The following PHACTR3 variants were observed in gnomAD, a reference collection of about 807,000 sequenced individuals.
PHACTR3 encodes the protein protein phosphatase 1, regulatory subunit 123.
A neutral mutation model predicts 66.8 loss-of-function variants in PHACTR3; 16 were observed. That is an observed-to-expected ratio of 0.24 (90% CI 0.16 to 0.36). PHACTR3 has a LOEUF of 0.36. PHACTR3 is among the 10% of genes least tolerant of loss of function. The pLI is 1.00. For missense variants in PHACTR3, 647 were observed against 719.9 expected, an observed-to-expected ratio of 0.90 and a Z score of 1.16; for synonymous variants, 323 against 292.1, an observed-to-expected ratio of 1.11 and a Z score of -1.08.
At position 59,614,474 on chromosome 20, in the gene PHACTR3, G is replaced by A. The variant is rs544487311; in HGVS notation, c.118+9342G>A. Among the ~76,000 whole-genome samples the A allele has an allele frequency of 6.6e-5, 10 of 152,298 alleles. No homozygotes were observed. The South Asian group carries it at 1.9e-3, about 28-fold the overall frequency. ...CCTGTTTGTTAAAGCAAGTCGGTTG[G>A]ATGGGTAGCTTGGCAACGCACCTTA... On this transcript the variant is annotated intron_variant, in intron 1 of 12. Coordinates refer to ENST00000371015, the MANE Select transcript of PHACTR3 (RefSeq NM_080672.5).
chr20:59,741,534 G>A (rs571973394), intron 1 of PHACTR3, among the ~76,000 whole-genome samples: 3 of 152,300 alleles, frequency 2.0e-5, no homozygotes, highest in East Asian at 1.9e-4. Flanking sequence ...CCTGGGTGAC[G>A]GCCTGAACTC....
At chr20:59,748,314 G>T (rs1440602862) in intron 3 of PHACTR3, among the ~76,000 whole-genome samples, 2 of 152,056 alleles carry the variant, frequency 1.3e-5, no homozygotes, top group Non-Finnish European at 2.9e-5. Context: ...TGTCTCATTG[G>T]TCTTCCCAGC....
intron 3 of PHACTR3, among the ~76,000 whole-genome samples, chr20:59,752,527 T>G (rs2039631229): frequency 1.2e-5 from 1 of 82,214 alleles, no homozygotes; most frequent in Non-Finnish European, 2.8e-5. Context: ...AACATGATTA[T>G]GAGCTGGAGC....
chr20:59,608,807 A>T (rs142546406), intron 1 of PHACTR3, among the ~76,000 whole-genome samples: 33 of 151,502 alleles, frequency 2.2e-4, no homozygotes, highest in African/African-American at 8.0e-4. Context: ...ACCCCAGGGA[A>T]CTCTGATCTC....
intron 5 of PHACTR3, among the ~76,000 whole-genome samples, chr20:59,770,611 C>T (rs1453596507): frequency 6.6e-6 from 1 of 152,308 alleles, no homozygotes; most frequent in African/African-American, 2.4e-5. Flanking sequence ...CTGATGAGGG[C>T]TTGCTTCCTG....
chr20:59,835,052 T>C (rs2042486055), intron 8 of PHACTR3, among the ~76,000 whole-genome samples: 1 of 152,228 alleles, frequency 6.6e-6, no homozygotes, highest in South Asian at 2.1e-4. Context: ...AAGCTTGCTC[T>C]AGACTATGAG....
At chr20:59,679,213 A>G (rs1045137072) in intron 1 of PHACTR3, among the ~76,000 whole-genome samples, 2 of 152,158 alleles carry the variant, frequency 1.3e-5, no homozygotes, top group African/African-American at 4.8e-5. Flanking sequence ...TTAAAGTTGA[A>G]ATAAAATTAG....
chr20:59,687,680 TG>T (rs1173135076), intron 1 of PHACTR3, among the ~76,000 whole-genome samples: 1 of 152,174 alleles, frequency 6.6e-6, no homozygotes, highest in Non-Finnish European at 1.5e-5. Context: ...TTCATTAATG[TG>T]TAGAGAAACA....
At chr20:59,691,251 T>C (rs2037097405) in intron 1 of PHACTR3, among the ~76,000 whole-genome samples, 1 of 152,316 alleles carries the variant, frequency 6.6e-6, no homozygotes, top group African/African-American at 2.4e-5. Context: ...CCTCTGATTG[T>C]CAACAGGGAT....
At chr20:59,703,513 A>G (rs2037584520) in intron 1 of PHACTR3, among the ~76,000 whole-genome samples, 1 of 152,156 alleles carries the variant, frequency 6.6e-6, no homozygotes, top group Non-Finnish European at 1.5e-5. Flanking sequence ...TGATGGGGGA[A>G]GGTTTGTAAG....
At chr20:59,752,666 G>A (rs546876442) in intron 3 of PHACTR3, among the ~76,000 whole-genome samples, 6 of 147,604 alleles carry the variant, frequency 4.1e-5, no homozygotes, top group African/African-American at 7.3e-5. Flanking sequence ...GGCCTTCCAG[G>A]TTCTATGTTC....
chr20:59,686,854 A>ATGATGATGGTGGTGATTG (rs1483725613), intron 1 of PHACTR3, among the ~76,000 whole-genome samples: 1 of 137,028 alleles, frequency 7.3e-6, no homozygotes, highest in South Asian at 2.4e-4. Context: ...GATGATGGTG[A>ATGATGATGGTGGTGATTG]TGATGATGGT....
chr20:59,718,102 G>A (rs1187646252), intron 1 of PHACTR3, among the ~76,000 whole-genome samples: 1 of 152,196 alleles, frequency 6.6e-6, no homozygotes, highest in East Asian at 1.9e-4. Context: ...TCCCTTTTCT[G>A]TCTTTCTTCC....
chr20:59,621,774 C>T lies in PHACTR3; in HGVS notation c.118+16642C>T, dbSNP rs116698072. Among the ~76,000 whole-genome samples, 1,032 of 152,294 alleles carry T rather than the reference C, an allele frequency of 6.8e-3. 21 individuals are homozygous for T. The highest frequency in any genetic ancestry group is 0.023 in the African/African-American group (967 of 41,568). On this transcript the variant is annotated intron_variant, in intron 1 of 12. Transcript: ENST00000371015. Reference sequence around the variant, plus strand: ...CGTCCACCACATACTGTGTGCCAAGCTGGAAAAGAGTTTGGGGGTGCAGAG... The same window carrying T: ...CGTCCACCACATACTGTGTGCCAAGTTGGAAAAGAGTTTGGGGGTGCAGAG...
intron 1 of PHACTR3, among the ~76,000 whole-genome samples, chr20:59,722,750 C>G (rs565173178): frequency 6.6e-6 from 1 of 151,786 alleles, no homozygotes; most frequent in South Asian, 2.1e-4. Flanking sequence ...GCAGCCATGG[C>G]GGAAGAGGAG....
intron 1 of PHACTR3, among the ~76,000 whole-genome samples, chr20:59,665,511 A>AT (rs11475736): frequency 4.3e-4 from 65 of 150,896 alleles, no homozygotes; most frequent in African/African-American, 1.0e-3. Flanking sequence ...TCATATTACG[A>AT]TTTTTTTTTT....
intron 1 of PHACTR3, among the ~76,000 whole-genome samples, chr20:59,726,711 AT>A (rs1284066630): frequency 6.6e-6 from 1 of 152,038 alleles, no homozygotes; most frequent in African/African-American, 2.4e-5. Context: ...TATAATTTGC[AT>A]TTTCCTGAAT....
intron 1 of PHACTR3, among the ~76,000 whole-genome samples, chr20:59,589,532 G>A (rs1284489506): frequency 6.6e-6 from 1 of 152,184 alleles, no homozygotes; most frequent in Non-Finnish European, 1.5e-5. Context: ...TATAGCTCGG[G>A]CTACGAGACT....
intron 8 of PHACTR3, among the ~76,000 whole-genome samples, chr20:59,824,785 G>C (rs909802833): frequency 9.2e-5 from 14 of 152,326 alleles, no homozygotes; most frequent in Admixed American, 2.0e-4. Flanking sequence ...CAGTGGGGGG[G>C]CGGGGGGAGG....
Sources: allele counts gnomAD v4.1 joint callset (sites outside exome capture counted in the v4.1 genomes callset), GRCh38; gene constraint gnomAD v4.1.1; transcripts MANE v1.5; gene names NCBI Gene and HGNC (gene_info 2026-07-23, HGNC 2026-07-21).